Variants in PRKAR1B observed in about 807,000 individuals in gnomAD.
PRKAR1B encodes protein kinase cAMP-dependent type I regulatory subunit beta.
In PRKAR1B, 22 loss-of-function variants were observed where a neutral mutation model predicts 46.5. The observed-to-expected ratio is 0.47, with a 90% CI of 0.34 to 0.68. The LOEUF is 0.68. Among genes scored for constraint, PRKAR1B ranks in the 30% least tolerant of loss-of-function variants. PRKAR1B has a pLI of 0.01. For missense variants in PRKAR1B, 445 were observed against 535.6 expected (o/e 0.83, Z 1.67); for synonymous variants, 259 against 217.7 (o/e 1.19, Z -1.67).
intron 4 of PRKAR1B, among the ~76,000 whole-genome samples, chr7:647,002 C>T (rs1356615713): frequency 1.3e-5 from 2 of 152,174 alleles, no homozygotes; most frequent in African/African-American, 4.8e-5. Flanking sequence ...CCAGGCTGCT[C>T]AGCTTCCACA....
intron 7 of PRKAR1B, among the ~76,000 whole-genome samples, chr7:585,488 CAG>C (rs1780545387): frequency 1.3e-5 from 2 of 152,222 alleles, no homozygotes; most frequent in African/African-American, 2.4e-5. Flanking sequence ...CATCCACTGA[CAG>C]AGGCCACGCG....
chr7:728,402 T>C (rs886196111), upstream of PRKAR1B, among the ~76,000 whole-genome samples: 3 of 152,180 alleles, frequency 2.0e-5, no homozygotes, highest in Non-Finnish European at 4.4e-5. Flanking sequence ...ATAGAAGTGA[T>C]AGACCCGAGT....
At chr7:572,815 C>A (rs1779601357) in intron 9 of PRKAR1B, among the ~76,000 whole-genome samples, 1 of 152,202 alleles carries the variant, frequency 6.6e-6, no homozygotes, top group Non-Finnish European at 1.5e-5. Context: ...ATGCACAGGG[C>A]ATCTGCGACC....
intron 5 of PRKAR1B, among the ~76,000 whole-genome samples, chr7:606,903 C>T (rs1353166414): frequency 6.6e-6 from 1 of 151,592 alleles, no homozygotes; most frequent in African/African-American, 2.4e-5. Flanking sequence ...TATATGTGTA[C>T]ATATATGTAT....
Position 617,703 on chromosome 7 carries a change from C to T in PRKAR1B, c.441-10251G>A, listed in dbSNP as rs190494555. On this transcript the variant is annotated intron_variant, in intron 4 of 10. Coordinates refer to ENST00000537384, the MANE Select transcript of PRKAR1B (RefSeq NM_001164760.2). ...GGCCCCAGCTTTCCATCTGTTTCCC[C>T]CGTCCTGGCAGGAGGCAGAGCCTGG... Among the ~76,000 whole-genome samples, 304 of 152,306 alleles carry T rather than the reference C, an allele frequency of 2.0e-3. 1 individual carries two copies. The highest frequency in any genetic ancestry group is 6.7e-3 in the African/African-American group (277 of 41,584).
intron 4 of PRKAR1B, among the ~76,000 whole-genome samples, chr7:619,913 C>A (rs138513736): frequency 6.6e-6 from 1 of 152,046 alleles, no homozygotes; most frequent in Non-Finnish European, 1.5e-5. Context: ...TGCAGTGGTG[C>A]GATCATAGCT....
chr7:651,690 C>G (rs1021928604), intron 4 of PRKAR1B, among the ~76,000 whole-genome samples: 6 of 130,798 alleles, frequency 4.6e-5, no homozygotes, highest in Non-Finnish European at 6.6e-5. Flanking sequence ...ACCCACACAG[C>G]GCTAGGAACC....
chr7:629,500 G>A (rs1228014274), intron 4 of PRKAR1B, among the ~76,000 whole-genome samples: 3 of 121,476 alleles, frequency 2.5e-5, no homozygotes, highest in Admixed American at 8.2e-5. Flanking sequence ...GCGGGGCCAC[G>A]GCCTCCGAAG....
chr7:647,762 G>A (rs917423954), intron 4 of PRKAR1B, among the ~76,000 whole-genome samples: 17 of 124,154 alleles, frequency 1.4e-4, no homozygotes, highest in Non-Finnish European at 2.2e-4. Flanking sequence ...AGCCGAGATC[G>A]CACCACTGCA....
intron 2 of PRKAR1B, among the ~76,000 whole-genome samples, chr7:709,850 G>C (rs1780528451): frequency 6.6e-6 from 1 of 152,100 alleles, no homozygotes; most frequent in South Asian, 2.1e-4. Flanking sequence ...AAATGTTTTT[G>C]AGAGACAAGG....
At chr7:647,343 G>A (rs1784666109) in intron 4 of PRKAR1B, among the ~76,000 whole-genome samples, 1 of 152,034 alleles carries the variant, frequency 6.6e-6, no homozygotes, top group African/African-American at 2.4e-5. Flanking sequence ...CATCACCTGT[G>A]GCTGGGACAA....
chr7:691,841 A>T, intron 2 of PRKAR1B: 2 of 1,169,798 alleles, frequency 1.7e-6, no homozygotes, highest in Middle Eastern at 3.9e-4. Flanking sequence ...ACACCTCATC[A>T]CTCTCCGGTC....
At chr7:673,629 A>G (rs137888931) in intron 4 of PRKAR1B, among the ~76,000 whole-genome samples, 3,666 of 151,328 alleles carry the variant, frequency 0.024, 157 homozygotes, top group African/African-American at 0.084. Flanking sequence ...AGCCTGGGCA[A>G]CAGAGTGAGA....
chr7:569,339 G>A (rs767489634), intron 9 of PRKAR1B, among the ~76,000 whole-genome samples: 1 of 152,198 alleles, frequency 6.6e-6, no homozygotes, highest in Non-Finnish European at 1.5e-5. Flanking sequence ...ACTCACTTAC[G>A]CTGAAAGGCA....
intron 2 of PRKAR1B, among the ~76,000 whole-genome samples, chr7:701,412 C>T (rs1232801491): frequency 6.6e-6 from 1 of 152,036 alleles, no homozygotes; most frequent in Non-Finnish European, 1.5e-5. Flanking sequence ...ATCTAACATT[C>T]ATGTCACTGG....
At chr7:698,688 G>A (rs577171827) in intron 2 of PRKAR1B, among the ~76,000 whole-genome samples, 1 of 152,102 alleles carries the variant, frequency 6.6e-6, no homozygotes, top group East Asian at 1.9e-4. Context: ...AACTGAGTAT[G>A]TCCAGGTGTG....
intron 4 of PRKAR1B, among the ~76,000 whole-genome samples, chr7:615,330 CAGG>C (rs1782739906): frequency 6.6e-6 from 1 of 151,842 alleles, no homozygotes; most frequent in Admixed American, 6.6e-5. Flanking sequence ...GAGGCTGAGG[CAGG>C]AGGATTGCTG....
intron 1 of PRKAR1B, among the ~76,000 whole-genome samples, chr7:725,010 C>G (rs1005213782): frequency 6.6e-6 from 1 of 152,122 alleles, no homozygotes; most frequent in Non-Finnish European, 1.5e-5. Flanking sequence ...GTCAGGACAT[C>G]GAGACCATCC....
chr7:677,367 G>T (rs1778392483), intron 3 of PRKAR1B, 47 bp from the exon 4 acceptor site: 1 of 1,540,380 alleles, frequency 6.5e-7, no homozygotes, highest in Non-Finnish European at 9.0e-7. Context: ...CTGGCCTGAT[G>T]CTGTGACGCG....
Sources: gnomAD v4.1 joint callset for allele counts (sites outside exome capture counted in the v4.1 genomes callset) on GRCh38, gnomAD v4.1.1 for gene constraint, MANE v1.5 for transcripts, NCBI Gene and HGNC (gene_info 2026-07-23, HGNC 2026-07-21) for gene names.